Variants in PABPC4L observed in about 807,000 individuals in gnomAD.
PABPC4L encodes the protein polyadenylate-binding protein 4-like.
For synonymous variants in PABPC4L, 169 were observed against 164.1 expected, an observed-to-expected ratio of 1.03 and a Z score of -0.23; for missense variants, 452 against 451.4, an observed-to-expected ratio of 1.00 and a Z score of -0.01.
At chr4:134,105,813 A>G in the PABPC4L span, among the ~76,000 whole-genome samples, 2 of 151,726 alleles carry the variant, frequency 1.3e-5, no homozygotes, top group Non-Finnish European at 3.0e-5. Context: ...ATTGTGAGTC[A>G]TAAAAGCTTA....
At chr4:134,082,283 CA>C in the PABPC4L span, among the ~76,000 whole-genome samples, 1 of 151,760 alleles carries the variant, frequency 6.6e-6, no homozygotes, top group Admixed American at 6.6e-5. Context: ...TCTGTGTGTA[CA>C]TATCTGTGGT....
chr4:133,954,683 G>C, the PABPC4L span, among the ~76,000 whole-genome samples: 2 of 151,822 alleles, frequency 1.3e-5, no homozygotes, highest in Admixed American at 6.6e-5. Flanking sequence ...GCTTTTCCCC[G>C]TGTACATTTA....
chr4:134,096,161 A>G, the PABPC4L span, among the ~76,000 whole-genome samples: 3 of 151,902 alleles, frequency 2.0e-5, no homozygotes, highest in Admixed American at 1.3e-4. Flanking sequence ...CTCATTTTTT[A>G]TTTATTTTAT....
At chr4:133,998,701 C>G in the PABPC4L span, among the ~76,000 whole-genome samples, 1 of 151,422 alleles carries the variant, frequency 6.6e-6, no homozygotes, top group African/African-American at 2.4e-5. Flanking sequence ...ATTCTTAGGT[C>G]TATAGTTCAA....
the PABPC4L span, among the ~76,000 whole-genome samples, chr4:133,985,184 A>G: frequency 6.6e-6 from 1 of 151,972 alleles, no homozygotes; most frequent in Non-Finnish European, 1.5e-5. Context: ...TCTGAGATAA[A>G]CCTGGAAATG....
the PABPC4L span, among the ~76,000 whole-genome samples, chr4:134,059,294 A>G: frequency 4.0e-5 from 6 of 151,600 alleles, no homozygotes; most frequent in African/African-American, 1.2e-4. Flanking sequence ...GTTCGTCGGA[A>G]AGTTGAGTAA....
At chr4:134,153,815 T>A in the PABPC4L span, among the ~76,000 whole-genome samples, 1 of 141,268 alleles carries the variant, frequency 7.1e-6, no homozygotes, top group Non-Finnish European at 1.5e-5. Flanking sequence ...GCCTAGTTTT[T>A]TTTTTTTTTT....
chr4:134,093,571 CT>C, the PABPC4L span, among the ~76,000 whole-genome samples: 20 of 144,092 alleles, frequency 1.4e-4, 1 homozygote, highest in South Asian at 2.2e-4. Flanking sequence ...TTTTCTTTCT[CT>C]TTTTTTTTTT....
At chr4:134,177,818 G>A in the PABPC4L span, among the ~76,000 whole-genome samples, 1 of 152,060 alleles carries the variant, frequency 6.6e-6, no homozygotes, top group East Asian at 1.9e-4. Flanking sequence ...GAACTCAGCT[G>A]ATGAATGCAG....
chr4:134,158,634 T>C, the PABPC4L span, among the ~76,000 whole-genome samples: 1 of 152,152 alleles, frequency 6.6e-6, no homozygotes, highest in African/African-American at 2.4e-5. Context: ...ACTTCTTGCC[T>C]GGATACTCAA....
intron 1 of PABPC4L, among the ~76,000 whole-genome samples, chr4:134,201,515 C>T (rs1172765335): frequency 6.6e-6 from 1 of 152,114 alleles, no homozygotes; most frequent in Non-Finnish European, 1.5e-5. Context: ...CTGCCAGGTA[C>T]CGGGTTCTGC....
At chr4:134,063,397 A>G in the PABPC4L span, among the ~76,000 whole-genome samples, 2 of 152,054 alleles carry the variant, frequency 1.3e-5, no homozygotes, top group Non-Finnish European at 2.9e-5. Flanking sequence ...CAGTGCTGTC[A>G]ACATAAAAGG....
chr4:133,955,312 A>T, the PABPC4L span, among the ~76,000 whole-genome samples: 1 of 152,116 alleles, frequency 6.6e-6, no homozygotes, highest in Non-Finnish European at 1.5e-5. Flanking sequence ...TAATCAATGA[A>T]AGAATTATAT....
At chr4:133,999,772 AG>A in the PABPC4L span, among the ~76,000 whole-genome samples, 2 of 151,988 alleles carry the variant, frequency 1.3e-5, no homozygotes, top group Non-Finnish European at 2.9e-5. Flanking sequence ...TCGTTTGAGG[AG>A]AGAGAGTTCA....
chr4:134,072,044 C>A, the PABPC4L span, among the ~76,000 whole-genome samples: 3 of 151,604 alleles, frequency 2.0e-5, no homozygotes, highest in Non-Finnish European at 2.9e-5. Flanking sequence ...AAGCATAATT[C>A]AATAGAACAT....
At chr4:134,182,341 A>C in the PABPC4L span, among the ~76,000 whole-genome samples, 4 of 150,868 alleles carry the variant, frequency 2.7e-5, no homozygotes, top group Non-Finnish European at 4.5e-5. Context: ...CAACAAAATT[A>C]AGCAAGAGGG....
the PABPC4L span, among the ~76,000 whole-genome samples, chr4:134,008,095 CTTAAG>C: frequency 2.6e-5 from 4 of 151,538 alleles, no homozygotes; most frequent in East Asian, 5.8e-4. Context: ...GCTCTCCACT[CTTAAG>C]TTAAATACAG....
chr4:134,000,455 G>A, the PABPC4L span, among the ~76,000 whole-genome samples: 390 of 152,214 alleles, frequency 2.6e-3, 2 homozygotes, highest in Middle Eastern at 6.8e-3. Context: ...TATTCCCTGA[G>A]TGGTTTTATT....
At chr4:134,088,535 A>T in the PABPC4L span, among the ~76,000 whole-genome samples, 6 of 152,230 alleles carry the variant, frequency 3.9e-5, no homozygotes, top group African/African-American at 1.4e-4. Context: ...ATGTGAAAGT[A>T]TTAAAAGGTG....
Sources: gnomAD v4.1 joint callset for allele counts (sites outside exome capture counted in the v4.1 genomes callset) on GRCh38, gnomAD v4.1.1 for gene constraint, MANE v1.5 for transcripts, NCBI Gene and HGNC (gene_info 2026-07-23, HGNC 2026-07-21) for gene names.